Variants in XYLT1 observed in about 807,000 individuals in gnomAD.
The protein encoded by XYLT1 is beta-D-xylosyltransferase 1.
XYLT1 carries 36 observed loss-of-function variants against 91.3 expected under a neutral mutation model. The ratio of observed to expected loss-of-function variants is 0.39; its 90% confidence interval spans 0.30 to 0.52. XYLT1 has a LOEUF of 0.52. Among genes scored for constraint, XYLT1 ranks in the 20% least tolerant of loss-of-function variants. XYLT1 has a pLI of 0.68. For synonymous variants in XYLT1, 588 were observed against 532.0 expected, an observed-to-expected ratio of 1.11 and a Z score of -1.45; for missense variants, 1,242 against 1,284.5, an observed-to-expected ratio of 0.97 and a Z score of 0.51.
intron 2 of XYLT1, among the ~76,000 whole-genome samples, chr16:17,303,356 C>T (rs73529388): frequency 0.076 from 11,580 of 152,238 alleles, 1,454 homozygotes; most frequent in African/African-American, 0.26. Flanking sequence ...AACTGCTTAG[C>T]GGTGACAGAG....
intron 5 of XYLT1, among the ~76,000 whole-genome samples, chr16:17,163,846 A>T (rs1271358880): frequency 2.0e-5 from 3 of 151,912 alleles, no homozygotes; most frequent in East Asian, 1.9e-4. Context: ...GTCAGGAGTT[A>T]GAGACCAGCC....
intron 11 of XYLT1, among the ~76,000 whole-genome samples, chr16:17,116,838 G>A (rs2141483218): frequency 6.6e-6 from 1 of 152,282 alleles, no homozygotes; most frequent in African/African-American, 2.4e-5. Flanking sequence ...CCAATATGAT[G>A]GGTGTGAAGT....
chr16:17,367,717 T>C (rs1188001255), intron 1 of XYLT1, among the ~76,000 whole-genome samples: 1 of 152,200 alleles, frequency 6.6e-6, no homozygotes, highest in African/African-American at 2.4e-5. Flanking sequence ...GAGGCAGCTG[T>C]TACTAAGCAG....
chr16:17,462,428 G>A (rs2036835583), intron 1 of XYLT1, among the ~76,000 whole-genome samples: 1 of 152,182 alleles, frequency 6.6e-6, no homozygotes, highest in African/African-American at 2.4e-5. Context: ...TCTTCTTTGT[G>A]ATGCCTCTGG....
At chr16:17,402,442 T>C (rs762599220) in intron 1 of XYLT1, among the ~76,000 whole-genome samples, 3 of 152,062 alleles carry the variant, frequency 2.0e-5, no homozygotes, top group South Asian at 4.2e-4. Context: ...AAAATTGCAG[T>C]TGGGTTGGAA....
At chr16:17,465,243 G>A (rs1421420458) in intron 1 of XYLT1, among the ~76,000 whole-genome samples, 2 of 151,280 alleles carry the variant, frequency 1.3e-5, no homozygotes, top group Non-Finnish European at 2.9e-5. Flanking sequence ...ACTCGGAAAG[G>A]TGGCATCTTT....
At chr16:17,182,539 G>A (rs1336616436) in intron 5 of XYLT1, among the ~76,000 whole-genome samples, 6 of 152,166 alleles carry the variant, frequency 3.9e-5, no homozygotes, top group South Asian at 2.1e-4. Context: ...AGTGGGGCAC[G>A]GTTCAATCTA....
chr16:17,266,987 G>A (rs1318513518), intron 2 of XYLT1, among the ~76,000 whole-genome samples: 3 of 152,248 alleles, frequency 2.0e-5, no homozygotes, highest in African/African-American at 7.2e-5. Context: ...AAAGGTGGCT[G>A]GCCAGCACTT....
chr16:17,111,091 C>T (rs933886755), intron 11 of XYLT1, among the ~76,000 whole-genome samples: 6 of 148,848 alleles, frequency 4.0e-5, no homozygotes, highest in South Asian at 4.3e-4. Context: ...ACCTGGGAGG[C>T]GGAGGTTTCA....
intron 11 of XYLT1, among the ~76,000 whole-genome samples, chr16:17,110,356 G>A (rs1966836971): frequency 6.6e-6 from 1 of 152,168 alleles, no homozygotes; most frequent in Non-Finnish European, 1.5e-5. Flanking sequence ...GGAGGGACCT[G>A]GTGGGAAGTA....
chr16:17,202,027 T>G (rs944367271), intron 3 of XYLT1, among the ~76,000 whole-genome samples: 1 of 152,150 alleles, frequency 6.6e-6, no homozygotes, highest in Non-Finnish European at 1.5e-5. Context: ...CCAGACATAT[T>G]TTATTCCGAA....
intron 1 of XYLT1, among the ~76,000 whole-genome samples, chr16:17,362,420 C>T (rs111326541): frequency 1.3e-5 from 2 of 152,170 alleles, no homozygotes; most frequent in Non-Finnish European, 2.9e-5. Flanking sequence ...TAGCTCTATG[C>T]GTGGCAGGCA....
chr16:17,396,259 G>A (rs1050142445), intron 1 of XYLT1, among the ~76,000 whole-genome samples: 10 of 152,212 alleles, frequency 6.6e-5, no homozygotes, highest in African/African-American at 2.4e-4. Context: ...TGGGCATCAA[G>A]GAAATACAGA....
intron 1 of XYLT1, among the ~76,000 whole-genome samples, chr16:17,380,162 C>G (rs1021834687): frequency 6.6e-6 from 1 of 152,150 alleles, no homozygotes; most frequent in Non-Finnish European, 1.5e-5. Context: ...GTGGTGCACA[C>G]CTGTAATCCC....
At chr16:17,396,859 C>A (rs1309642137) in intron 1 of XYLT1, among the ~76,000 whole-genome samples, 1 of 152,104 alleles carries the variant, frequency 6.6e-6, no homozygotes, top group African/African-American at 2.4e-5. Context: ...CAGAGTGGGA[C>A]TCCACCTCAG....
At chr16:17,261,839 T>C (rs1452653120) in intron 2 of XYLT1, among the ~76,000 whole-genome samples, 1 of 152,170 alleles carries the variant, frequency 6.6e-6, no homozygotes, top group Non-Finnish European at 1.5e-5. Flanking sequence ...ACAGGGCGGC[T>C]ACTGGTTGTA....
At chr16:17,401,911 T>C (rs780410015) in intron 1 of XYLT1, among the ~76,000 whole-genome samples, 20 of 152,102 alleles carry the variant, frequency 1.3e-4, no homozygotes, top group Admixed American at 3.3e-4. Context: ...TGTTCAACAA[T>C]TGAGCAATGG....
At chr16:17,333,171 T>C (rs972438983) in intron 2 of XYLT1, among the ~76,000 whole-genome samples, 3 of 152,200 alleles carry the variant, frequency 2.0e-5, no homozygotes, top group Non-Finnish European at 4.4e-5. Context: ...TCCTTCATCC[T>C]CATTCAAGAC....
At chr16:17,453,190 A>AT (rs1377273664) in intron 1 of XYLT1, among the ~76,000 whole-genome samples, 1 of 152,202 alleles carries the variant, frequency 6.6e-6, no homozygotes, top group Non-Finnish European at 1.5e-5. Flanking sequence ...CTAAATTCAA[A>AT]TTTCATTCCA....
Sources: allele counts gnomAD v4.1 joint callset (sites outside exome capture counted in the v4.1 genomes callset), GRCh38; gene constraint gnomAD v4.1.1; transcripts MANE v1.5; gene names NCBI Gene and HGNC (gene_info 2026-07-23, HGNC 2026-07-21).